Variants in ASH1L observed in about 807,000 individuals in gnomAD.
ASH1L encodes the protein ASH1 like histone lysine methyltransferase, also known as histone-lysine N-methyltransferase ASH1L.
Under a neutral mutation model 269.0 loss-of-function variants are expected in ASH1L, and 23 were observed. The ratio of observed to expected loss-of-function variants is 0.09; its 90% confidence interval spans 0.06 to 0.12. The LOEUF is 0.12. Ranked by LOEUF, ASH1L falls within the 10% of genes least tolerant of loss-of-function variation. The probability of loss-of-function intolerance (pLI) is 1.00; values close to 1 mark genes in which losing one functional copy is unlikely to be tolerated. For missense variants in ASH1L, 2,912 were observed against 3,567.8 expected (o/e 0.82, Z 4.68); for synonymous variants, 1,187 against 1,253.5 (o/e 0.95, Z 1.12).
chr1:155,433,215 T>C (rs1273515265), intron 5 of ASH1L: 1 of 1,548,660 alleles, frequency 6.5e-7, no homozygotes, highest in Non-Finnish European at 8.7e-7. Context: ...CCTGCCTTCT[T>C]GCCCCCTCCA....
chr1:155,528,816 C>T (rs1260507317), intron 1 of ASH1L, among the ~76,000 whole-genome samples: 2 of 151,966 alleles, frequency 1.3e-5, no homozygotes, highest in Non-Finnish European at 2.9e-5. Context: ...AGCCTAGTAC[C>T]CATTAGTTAT....
chr1:155,490,143 T>C (rs1666661222), intron 2 of ASH1L, among the ~76,000 whole-genome samples: 1 of 151,864 alleles, frequency 6.6e-6, no homozygotes, highest in South Asian at 2.1e-4. Flanking sequence ...TTTTTGTATT[T>C]TTAGTAGATA....
In ASH1L at chr1:155,472,816, T is replaced by C. The variant is rs1022502457; in HGVS notation, c.4984+5070A>G. Among the ~76,000 whole-genome samples the C allele has an allele frequency of 1.3e-5, 2 of 152,204 alleles. 1 individual carries two copies. The highest frequency in any genetic ancestry group is 2.9e-5 in the Non-Finnish European group (2 of 68,036). On this transcript the variant is annotated intron_variant, in intron 3 of 27. Coordinates refer to ENST00000392403, the MANE Select transcript of ASH1L (RefSeq NM_018489.3). ...TACATTTTTTAATATGAGCAATTTT[T>C]TAAAAAGTGTAGAGATCATCACAAA...
intron 2 of ASH1L, among the ~76,000 whole-genome samples, chr1:155,492,165 C>A (rs530348795): frequency 6.6e-6 from 1 of 150,960 alleles, no homozygotes; most frequent in Non-Finnish European, 1.5e-5. Context: ...CCTCCCGAGT[C>A]GCTGGGATTA....
At chr1:155,497,612 A>G (rs1295378232) in intron 2 of ASH1L, among the ~76,000 whole-genome samples, 1 of 152,240 alleles carries the variant, frequency 6.6e-6, no homozygotes, top group East Asian at 1.9e-4. Context: ...GTAGACTATT[A>G]GCAGTTACGT....
At chr1:155,553,730 T>A (rs989709337) in intron 1 of ASH1L, among the ~76,000 whole-genome samples, 10 of 152,226 alleles carry the variant, frequency 6.6e-5, no homozygotes, top group Non-Finnish European at 1.3e-4. Context: ...TCGTAGTATG[T>A]TTGTTAACAT....
At chr1:155,466,389 C>A (rs1342894879) in intron 3 of ASH1L, among the ~76,000 whole-genome samples, 3 of 151,908 alleles carry the variant, frequency 2.0e-5, no homozygotes, top group Non-Finnish European at 4.4e-5. Context: ...AACAAAAACT[C>A]TGTTTTTTTC....
intron 5 of ASH1L, chr1:155,434,188 G>A (rs952003657): frequency 1.4e-5 from 23 of 1,593,930 alleles, no homozygotes; most frequent in Admixed American, 1.4e-4. Context: ...TGTACTCCTC[G>A]GTCCCTTTCC....
At chr1:155,412,544 A>G (rs1659892048) in intron 6 of ASH1L, among the ~76,000 whole-genome samples, 1 of 152,236 alleles carries the variant, frequency 6.6e-6, no homozygotes, top group East Asian at 1.9e-4. Context: ...CTCCTTCCCC[A>G]GTATATGTCT....
rs1460654197 is a variant in ASH1L at position 155,438,416 on chromosome 1, C to A, written c.5739G>T (p.Gly1913=). ...CCAATAGCCAACCTTTTCTCTTCAA[C>A]CCCTTTTTATGTTCTGGGTTCAGAT... ...SVNLNPEHKK[G]LKRKGWLLEE... Residue 1913 remains glycine (G), a synonymous_variant, in exon 5 of 28, where the codon GGG becomes GGT. Transcript: ENST00000392403. 1.9e-6 allele frequency: 3 copies of A among 1,612,994 alleles called. No individual in the cohort carries two copies. Among genetic ancestry groups the A allele is most frequent in the Non-Finnish European group, 1.7e-6 (2 of 1,179,738 alleles).
chr1:155,514,831 A>G (rs1037583696), intron 2 of ASH1L, among the ~76,000 whole-genome samples: 4 of 152,168 alleles, frequency 2.6e-5, no homozygotes, highest in Admixed American at 2.0e-4. Flanking sequence ...TCTTTTAACT[A>G]CACGAGAAGT....
Position 155,349,468 on chromosome 1 carries a change from C to CA in ASH1L, c.7422-10dup. On this transcript the variant is annotated splice_polypyrimidine_tract_variant and intron_variant, in intron 18 of 27. Transcript: ENST00000392403. ...CATAATAATCAGCATTCCTGGAACA[C>CA]AAAGCCAGGGTGTCAATCTGGCACA... 1 of 1,614,046 alleles carries CA rather than the reference C, an allele frequency of 6.2e-7. No homozygotes were observed. The highest frequency in any genetic ancestry group is 8.5e-7 in the Non-Finnish European group (1 of 1,180,000).
chr1:155,527,945 C>T (rs1450945043), intron 1 of ASH1L, among the ~76,000 whole-genome samples: 2 of 152,058 alleles, frequency 1.3e-5, no homozygotes, highest in East Asian at 1.9e-4. Flanking sequence ...ACTGGAGTGA[C>T]GCAGGGTACC....
intron 1 of ASH1L, among the ~76,000 whole-genome samples, chr1:155,526,676 G>C (rs776826091): frequency 2.6e-5 from 4 of 152,136 alleles, no homozygotes; most frequent in Non-Finnish European, 5.9e-5. Context: ...ATAGGAAGCA[G>C]TAACAAACAG....
chr1:155,374,431 A>C (rs906899754), intron 10 of ASH1L, among the ~76,000 whole-genome samples: 2 of 152,250 alleles, frequency 1.3e-5, no homozygotes, highest in African/African-American at 4.8e-5. Context: ...AAATACCACC[A>C]CGATTCTAAA....
chr1:155,367,311 T>A (rs1277662873), intron 12 of ASH1L, among the ~76,000 whole-genome samples: 1 of 152,206 alleles, frequency 6.6e-6, no homozygotes, highest in Admixed American at 6.5e-5. Flanking sequence ...TTTTTAAATT[T>A]CACTTTCTAC....
chr1:155,467,225 A>T (rs1042677943), intron 3 of ASH1L, among the ~76,000 whole-genome samples: 1 of 152,204 alleles, frequency 6.6e-6, no homozygotes, highest in African/African-American at 2.4e-5. Flanking sequence ...GGATGAAATA[A>T]CTGACATTCC....
At chr1:155,553,307 C>A (rs1359867926) in intron 1 of ASH1L, among the ~76,000 whole-genome samples, 1 of 152,134 alleles carries the variant, frequency 6.6e-6, no homozygotes, top group Non-Finnish European at 1.5e-5. Flanking sequence ...TTCTGAGTAA[C>A]TAAAATATAA....
In ASH1L at chr1:155,480,578, A is replaced by C; in HGVS notation, c.2292T>G (p.Ile764Met). 6.2e-7 allele frequency: 1 copy of C among 1,614,178 alleles called. No homozygotes were observed. Residue 764 changes from isoleucine (I) to methionine (M), a missense_variant, in exon 3 of 28, where the codon ATT (isoleucine) becomes ATG (methionine). Ile to Met is a conservative substitution (Grantham distance 10). Transcript: ENST00000392403. Reference protein sequence around the residue: ...NSEPAKFMKNIGPPSFVDHDF... With the variant: ...NSEPAKFMKNMGPPSFVDHDF... ...CATGATCTACAAATGAAGGGGGTCC[A>C]ATGTTTTTCATAAACTTGGCTGGCT...
Sources: gnomAD v4.1 joint callset for allele counts (sites outside exome capture counted in the v4.1 genomes callset) on GRCh38, gnomAD v4.1.1 for gene constraint, MANE v1.5 for transcripts, NCBI Gene and HGNC (gene_info 2026-07-23, HGNC 2026-07-21) for gene names.